FLOT2: variants seen among roughly 807,000 people sequenced by gnomAD.
FLOT2 encodes flotillin 2.
A neutral mutation model predicts 54.9 loss-of-function variants in FLOT2; 35 were observed. That is an observed-to-expected ratio of 0.64 (90% CI 0.49 to 0.84). The LOEUF (loss-of-function observed/expected upper bound fraction) is 0.84. FLOT2 is among the 40% of genes least tolerant of loss of function. FLOT2 has a pLI of 0.00. For missense variants in FLOT2, 464 were observed against 572.1 expected (o/e 0.81, Z 1.93); for synonymous variants, 207 against 228.9 (o/e 0.90, Z 0.86).
chr17:28,880,751 CA>C lies in FLOT2; in HGVS notation c.1209del (p.Ala404ProfsTer16). 1 of 1,614,240 alleles carries C rather than the reference CA, an allele frequency of 6.2e-7. No individual in the cohort carries two copies. The highest frequency in any genetic ancestry group is 8.5e-7 in the Non-Finnish European group (1 of 1,180,044). On this transcript the variant is annotated frameshift_variant, in exon 10 of 11. Coordinates refer to ENST00000394908, the MANE Select transcript of FLOT2 (RefSeq NM_004475.3). LOFTEE classifies it high-confidence loss of function. ...SEVNRLLAEL[P>X]ASVHALTGVD... ...ACGCCTGTGAGGGCATGCACAGAGG[CA>C]GGCAGCTCGGCCAGCAGTCGGTTCA...
Position 28,884,360 on chromosome 17 carries a change from G to T in FLOT2, c.132-45C>A, listed in dbSNP as rs1702590015. The T allele has an allele frequency of 7.5e-7, 1 of 1,328,364 alleles. No homozygotes were observed. Among genetic ancestry groups the T allele is most frequent in the Non-Finnish European group, 1.1e-6 (1 of 939,212 alleles). 82.3% of individuals were successfully genotyped at this position (1,328,364 alleles called of 1,614,324 possible). A position where few individuals can be genotyped will look rare whatever the true frequency, so the allele number is the denominator to read the frequency against. ...AGGGGCATGGGTCTGGGGGCGCAGGGCCTGGTGGTGTTGGGAAAGAGGCCA... is the reference window on the plus strand; with the variant it reads ...AGGGGCATGGGTCTGGGGGCGCAGGTCCTGGTGGTGTTGGGAAAGAGGCCA... On this transcript the variant is annotated intron_variant, in intron 2 of 10. Transcript: ENST00000394908. The surrounding 1 kb of genome is among the most constrained non-coding windows in gnomAD (Gnocchi z 5.1).
At chr17:28,890,004 G>C (rs535789588) in intron 1 of FLOT2, among the ~76,000 whole-genome samples, 1 of 152,244 alleles carries the variant, frequency 6.6e-6, no homozygotes, top group Admixed American at 6.5e-5. Flanking sequence ...GTTATCACGG[G>C]GGGTGTAGAC....
intron 1 of FLOT2, among the ~76,000 whole-genome samples, chr17:28,896,989 G>A (rs1005606302): frequency 2.6e-5 from 4 of 152,230 alleles, no homozygotes; most frequent in Non-Finnish European, 5.9e-5. Flanking sequence ...TGTAGAGGCC[G>A]CATCCGCGTC....
intron 2 of FLOT2, chr17:28,886,015 C>T (rs2039536738): frequency 1.1e-6 from 1 of 903,104 alleles, no homozygotes; most frequent in Non-Finnish European, 1.8e-6. Context: ...AGCAAACACA[C>T]ACAGTAGTTA....
rs1314571521 is a variant in FLOT2 at position 28,885,503 on chromosome 17, C to G, written c.132-1188G>C. ...GAATGAAGCAATGAAGAGGGGAACC[C>G]ACACATGACAGAGTAAGCATTTGGA... On this transcript the variant is annotated intron_variant, in intron 2 of 10. Coordinates refer to ENST00000394908, the MANE Select transcript of FLOT2 (RefSeq NM_004475.3). 5 of 691,188 alleles carry G rather than the reference C, an allele frequency of 7.2e-6. No homozygotes were observed. In the African/African-American group the frequency reaches 8.8e-5, roughly 12 times the overall value. 42.8% of individuals were successfully genotyped at this position (691,188 alleles called of 1,614,324 possible). A position where few individuals can be genotyped will look rare whatever the true frequency, so the allele number is the denominator to read the frequency against.
In FLOT2 at chr17:28,881,852, G is replaced by T; in HGVS notation, c.876C>A (p.Ala292=). The T allele has an allele frequency of 1.2e-6, 2 of 1,613,474 alleles. No individual in the cohort carries two copies. The highest frequency in any genetic ancestry group is 3.3e-4 in the Middle Eastern group (2 of 6,060). The part of the protein sequence containing the change: ...LIATVRRPAE[A]EAHRIQQIAE... ...CAATCTGCTGGATGCGGTGGGCCTC[G>T]GCCTCGGCAGGCCGGCGCACTGTAG... Residue 292 remains alanine (A), a synonymous_variant, in exon 8 of 11, where the codon GCC becomes GCA. Transcript: ENST00000394908.
rs966490352 is a variant in FLOT2 at position 28,884,855 on chromosome 17, T to C, written c.132-540A>G. ...CTGGGCTAAGATGGAAGTGATTCTG[T>C]ACCTGCCCCTTGCCAGAGAAGCCCT... On this transcript the variant is annotated intron_variant, in intron 2 of 10. Coordinates refer to ENST00000394908, the MANE Select transcript of FLOT2 (RefSeq NM_004475.3). This position sits in a 1 kb window ranked among gnomAD's most constrained non-coding sequence, Gnocchi z 5.1. 6.6e-6 allele frequency among the ~76,000 whole-genome samples: 1 copy of C among 152,188 alleles called. No individual in the cohort carries two copies. The highest frequency in any genetic ancestry group is 2.4e-5 in the African/African-American group (1 of 41,440).
Position 28,885,956 on chromosome 17 carries a change from C to A in FLOT2, c.132-1641G>T, listed in dbSNP as rs903217157. The A allele has an allele frequency of 3.3e-6, 5 of 1,537,134 alleles. No homozygotes were observed. The African/African-American group carries it at 6.9e-5, about 21-fold the overall frequency. ...TAACCTCCAGAGACAGTCTGAGGAG[C>A]AGCCAGGGGGTGGGGAGAGGTAGGG... On this transcript the variant is annotated intron_variant, in intron 2 of 10. Transcript: ENST00000394908.
In FLOT2 at chr17:28,880,163, G is replaced by A. The variant is rs2039422360; in HGVS notation, c.*398C>T. On this transcript the variant is annotated 3_prime_UTR_variant, in exon 11 of 11. Transcript: ENST00000394908. ...TGCTGAGCTCTGGCCAGGGCCATAG[G>A]GAGGATGGACAGATGCACAGAGAAC... is the stretch of plus-strand genomic sequence containing the variant. 5 of 1,081,486 alleles carry A rather than the reference G, an allele frequency of 4.6e-6. No homozygotes were observed. Among genetic ancestry groups the A allele is most frequent in the Non-Finnish European group, 4.5e-6 (4 of 887,360 alleles). The allele number at this position is 1,081,486 out of a possible 1,614,324, so 67.0% of individuals were successfully genotyped here.
At chr17:28,893,635 G>A (rs988525018) in intron 1 of FLOT2, among the ~76,000 whole-genome samples, 3 of 152,042 alleles carry the variant, frequency 2.0e-5, no homozygotes, top group Non-Finnish European at 4.4e-5. Flanking sequence ...TTTATACTCA[G>A]TACCTGTTTT....
At chr17:28,889,113 C>G (rs1759779900) in intron 1 of FLOT2, 87 bp from the exon 2 acceptor site, 1 of 1,080,838 alleles carries the variant, frequency 9.3e-7, no homozygotes, top group African/African-American at 1.6e-5. Flanking sequence ...TTGTCCTTTA[C>G]CTGCTCTGAT....
intron 2 of FLOT2, 50 bp downstream of exon 2, chr17:28,888,893 CCT>C (rs1448114299): frequency 1.2e-4 from 176 of 1,437,976 alleles, no homozygotes; most frequent in Middle Eastern, 1.7e-4. Flanking sequence ...GCTGGAAGCC[CCT>C]CTCTCCCTGG....
chr17:28,897,213 C>T lies in FLOT2; in HGVS notation c.49+313G>A, dbSNP rs1322877543. 1.3e-5 allele frequency among the ~76,000 whole-genome samples: 2 copies of T among 152,258 alleles called. No individual in the cohort carries two copies. Among genetic ancestry groups the T allele is most frequent in the Non-Finnish European group, 2.9e-5 (2 of 68,042 alleles). The stretch of plus-strand genomic sequence containing the variant: ...CACCAGTTCCCTCCCTCCTGGAACC[C>T]CGCGGCTTCAGTTCGGGACCCCCAA... On this transcript the variant is annotated intron_variant, in intron 1 of 10. Transcript: ENST00000394908. This position sits in a 1 kb window ranked among gnomAD's most constrained non-coding sequence, Gnocchi z 4.4.
At position 28,881,655 on chromosome 17, in the gene FLOT2, C is replaced by T. The variant is rs996366514; in HGVS notation, c.914+159G>A. ...CTATTTAGTCTTCCCAACAGCAGTC[C>T]CACAGGGGACATGGGGTTATCCTCA... On this transcript the variant is annotated intron_variant, in intron 8 of 10. Transcript: ENST00000394908. The T allele has an allele frequency of 9.9e-6, 7 of 707,894 alleles. No homozygotes were observed. In the African/African-American group the frequency reaches 1.2e-4, roughly 13 times the overall value. The allele number at this position is 707,894 out of a possible 1,614,324, so 43.9% of individuals were successfully genotyped here. A position where few individuals can be genotyped will look rare whatever the true frequency, so the allele number is the denominator to read the frequency against.
chr17:28,882,678 C>T lies in FLOT2; in HGVS notation c.360G>A (p.Val120=), dbSNP rs764713586. ...GGTCCCGGTCCTGATAAATCTGCTC[C>T]ACTGTCAGGGTCCCTGGGGGCAGAG... ...HLRSILGTLT[V]EQIYQDRDQF... Residue 120 remains valine, a synonymous_variant, in exon 5 of 11, where the codon GTG becomes GTA. Coordinates refer to ENST00000394908, the MANE Select transcript of FLOT2 (RefSeq NM_004475.3). This position sits in a 1 kb window ranked among gnomAD's most constrained non-coding sequence, Gnocchi z 5.6. The T allele has an allele frequency of 1.2e-6, 2 of 1,612,426 alleles. No homozygotes were observed. Among genetic ancestry groups the T allele is most frequent in the Non-Finnish European group, 1.7e-6 (2 of 1,178,870 alleles).
chr17:28,882,994 A>G lies in FLOT2; in HGVS notation c.346+114T>C, dbSNP rs889250485. ...AGTTTTGAAATTAAATATTTGAGGA[A>G]AAGTGTTTTAGCTTGAAACTCCTGT... On this transcript the variant is annotated intron_variant, in intron 4 of 10. Coordinates refer to ENST00000394908, the MANE Select transcript of FLOT2 (RefSeq NM_004475.3). The surrounding 1 kb of genome is among the most constrained non-coding windows in gnomAD (Gnocchi z 5.6). The G allele has an allele frequency of 2.1e-5, 24 of 1,130,674 alleles. No individual in the cohort carries two copies. The highest frequency in any genetic ancestry group is 2.9e-5 in the Non-Finnish European group (23 of 789,356). 70.0% of individuals were successfully genotyped at this position (1,130,674 alleles called of 1,614,324 possible).
At position 28,879,807 on chromosome 17, in the gene FLOT2, C is replaced by T; in HGVS notation, c.*754G>A. On this transcript the variant is annotated 3_prime_UTR_variant, in exon 11 of 11. Coordinates refer to ENST00000394908, the MANE Select transcript of FLOT2 (RefSeq NM_004475.3). ...TTAGCAGAGTTGGGACCAAACCGCACCGCCCCAGCAGGAACATGCCCATGA... is the reference window on the plus strand; with the variant it reads ...TTAGCAGAGTTGGGACCAAACCGCATCGCCCCAGCAGGAACATGCCCATGA... 2 of 986,094 alleles carry T rather than the reference C, an allele frequency of 2.0e-6. No individual in the cohort carries two copies. The highest frequency in any genetic ancestry group is 2.4e-6 in the Non-Finnish European group (2 of 830,134). The allele number at this position is 986,094 out of a possible 1,614,324, so 61.1% of individuals were successfully genotyped here.
intron 1 of FLOT2, among the ~76,000 whole-genome samples, chr17:28,890,345 A>G (rs1226134803): frequency 2.0e-5 from 3 of 152,066 alleles, no homozygotes; most frequent in African/African-American, 7.2e-5. Context: ...GACATGTTCT[A>G]TATGTTCCCT....
intron 1 of FLOT2, among the ~76,000 whole-genome samples, chr17:28,896,303 G>A (rs1421710572): frequency 6.6e-6 from 1 of 152,192 alleles, no homozygotes; most frequent in Non-Finnish European, 1.5e-5. Context: ...TGGGCTTCCT[G>A]AAGGAAATTC....
Sources: gnomAD v4.1 joint callset for allele counts (sites outside exome capture counted in the v4.1 genomes callset) on GRCh38, gnomAD v4.1.1 for gene constraint, Gnocchi (gnomAD v3.1) non-coding constraint, MANE v1.5 for transcripts, NCBI Gene and HGNC (gene_info 2026-07-23, HGNC 2026-07-21) for gene names.